The following TEKT3 variants were observed in gnomAD, a reference collection of about 807,000 sequenced individuals.
TEKT3 encodes tektin-3.
TEKT3 carries 49 observed loss-of-function variants against 49.8 expected under a neutral mutation model. The observed-to-expected ratio is 0.98, with a 90% CI of 0.78 to 1.25. The LOEUF is 1.25. Among genes scored for constraint, TEKT3 ranks in the 50% most tolerant of loss-of-function variants. The probability of loss-of-function intolerance (pLI) is 0.00; values close to 1 mark genes in which losing one functional copy is unlikely to be tolerated. For missense variants in TEKT3, 595 were observed against 629.5 expected (o/e 0.95, Z 0.59); for synonymous variants, 225 against 237.2 (o/e 0.95, Z 0.47).
chr17:15,308,015 C>T (rs995770642), intron 8 of TEKT3, among the ~76,000 whole-genome samples: 50 of 152,182 alleles, frequency 3.3e-4, no homozygotes, highest in African/African-American at 1.1e-3. Context: ...GGTCAGATTC[C>T]TCCTGCTGTG....
chr17:15,343,310 A>G (rs971368165), upstream of TEKT3, among the ~76,000 whole-genome samples: 12 of 152,114 alleles, frequency 7.9e-5, no homozygotes, highest in Middle Eastern at 3.2e-3. Context: ...AAATTGATCA[A>G]CTCTGTTCTC....
chr17:15,305,114 G>A (rs1486487271), intron 8 of TEKT3, among the ~76,000 whole-genome samples: 1 of 152,210 alleles, frequency 6.6e-6, no homozygotes, highest in Admixed American at 6.5e-5. Context: ...GGGAGGTAGA[G>A]AGTTGCCCAA....
Position 15,303,812 on chromosome 17 carries a change from T to C in TEKT3, c.*124A>G, listed in dbSNP as rs1567570573. The C allele has an allele frequency of 1.1e-6, 1 of 893,936 alleles. No homozygotes were observed. The highest frequency in any genetic ancestry group is 1.7e-6 in the Non-Finnish European group (1 of 576,930). 55.4% of individuals were successfully genotyped at this position (893,936 alleles called of 1,614,324 possible). On this transcript the variant is annotated 3_prime_UTR_variant, in exon 9 of 9. Transcript: ENST00000395930. ...ACAAAAGGCTTTCCGAGACAGGAGG[T>C]TGGTACATTTCCATCAGCATAATCC...
chr17:15,338,749 C>A lies in TEKT3; in HGVS notation c.-30+1279G>T, dbSNP rs540109309. ...GCTAGGATGGTCTCGATCTCCTGAA[C>A]TCGTGATCTGCCAGCCTCGGCCTCC... On this transcript the variant is annotated intron_variant, in intron 2 of 8. Coordinates refer to ENST00000395930, the MANE Select transcript of TEKT3 (RefSeq NM_031898.3). 2.1e-5 allele frequency among the ~76,000 whole-genome samples: 3 copies of A among 144,002 alleles called. No individual in the cohort carries two copies. The Admixed American group carries it at 2.1e-4, about 10-fold the overall frequency. The allele number at this position is 144,002 out of a possible 152,430, so 94.5% of individuals were successfully genotyped here.
At chr17:15,339,074 T>C (rs1345824311) in intron 2 of TEKT3, among the ~76,000 whole-genome samples, 1 of 152,176 alleles carries the variant, frequency 6.6e-6, no homozygotes, top group Non-Finnish European at 1.5e-5. Context: ...GAGGTGATTA[T>C]GTTATAAGGG....
chr17:15,327,871 A>C, intron 4 of TEKT3, 121 bp downstream of exon 4: 1 of 770,530 alleles, frequency 1.3e-6, no homozygotes, highest in East Asian at 2.6e-5. Flanking sequence ...TGCTATCAGC[A>C]TCTGATACGA....
At chr17:15,341,952 G>T (rs181675267), upstream of TEKT3, among the ~76,000 whole-genome samples, 43 of 152,228 alleles carry the variant, frequency 2.8e-4, no homozygotes, top group African/African-American at 9.9e-4. Flanking sequence ...GGCACATCAG[G>T]GCTGCCTGGA....
chr17:15,304,287 C>A lies in TEKT3; in HGVS notation c.1257-135G>T. ...TATATTTATCAGCAAATGAGAGGTGCATGAAATTAATAAAATATAAAGAAA... is the reference window on the plus strand; with the variant it reads ...TATATTTATCAGCAAATGAGAGGTGAATGAAATTAATAAAATATAAAGAAA... On this transcript the variant is annotated intron_variant, in intron 8 of 8. Transcript: ENST00000395930. This position sits in a 1 kb window ranked among gnomAD's most constrained non-coding sequence, Gnocchi z 4.7. 1.3e-6 allele frequency: 1 copy of A among 778,034 alleles called. No individual in the cohort carries two copies. Among genetic ancestry groups the A allele is most frequent in the Non-Finnish European group, 2.0e-6 (1 of 491,452 alleles). 48.2% of individuals were successfully genotyped at this position (778,034 alleles called of 1,614,324 possible). A position where few individuals can be genotyped will look rare whatever the true frequency, so the allele number is the denominator to read the frequency against.
rs139253588 is a variant in TEKT3 at position 15,312,272 on chromosome 17, G to A, written c.1088C>T (p.Thr363Met). ...ETADAKNKIQ[T>M]HLAKTLQEIF... Reference sequence around the variant, plus strand: ...CGGTTGATTTACCTTTGCTAAGTGCGTCTGAATCTTATTCTTAGCATCTGC... The same window carrying A: ...CGGTTGATTTACCTTTGCTAAGTGCATCTGAATCTTATTCTTAGCATCTGC... Residue 363 changes from threonine (T) to methionine (M), a missense_variant, in exon 7 of 9, where the codon ACG (threonine) becomes ATG (methionine). Transcript: ENST00000395930. 1,501 of 1,614,142 alleles carry A rather than the reference G, an allele frequency of 9.3e-4. 12 individuals carry two copies. The African/African-American group carries it at 0.018, about 19-fold the overall frequency.
chr17:15,342,058 T>C (rs2150758967), upstream of TEKT3, among the ~76,000 whole-genome samples: 1 of 152,306 alleles, frequency 6.6e-6, no homozygotes, highest in South Asian at 2.1e-4. Context: ...AATTATCTAG[T>C]GTTCCTTCCC....
At position 15,331,248 on chromosome 17, in the gene TEKT3, G is replaced by C. The variant is rs144818130; in HGVS notation, c.338C>G (p.Ser113Cys). The change falls in exon 3 of 9, where the codon TCC (serine) becomes TGC (cysteine). Residue 113 changes from serine to cysteine, a missense_variant. Ser to Cys is a moderately radical substitution (Grantham distance 112). Transcript: ENST00000395930. ...TCTTAGTTTCTCCGAATTATGTCGG[G>C]AAGTGTTGGACTCTTGATAGTTGGT... ...NLTNYQESNTSRHNSEKLRVD... is the reference protein window; with the variant it reads ...NLTNYQESNTCRHNSEKLRVD... The C allele has an allele frequency of 6.2e-7, 1 of 1,614,090 alleles. No homozygotes were observed. Among genetic ancestry groups the C allele is most frequent in the African/African-American group, 1.3e-5 (1 of 74,914 alleles).
chr17:15,305,851 G>A (rs1910522088), intron 8 of TEKT3, among the ~76,000 whole-genome samples: 1 of 151,344 alleles, frequency 6.6e-6, no homozygotes, highest in African/African-American at 2.4e-5. Flanking sequence ...TCACACTGCT[G>A]CATGGACACA....
At chr17:15,327,195 A>G (rs984573664) in intron 4 of TEKT3, among the ~76,000 whole-genome samples, 10 of 152,016 alleles carry the variant, frequency 6.6e-5, no homozygotes, top group African/African-American at 2.4e-4. Flanking sequence ...ATTGTAGAAC[A>G]CTGCCTAACC....
At chr17:15,334,228 A>ATTTC (rs1383352070) in intron 2 of TEKT3, among the ~76,000 whole-genome samples, 1 of 151,932 alleles carries the variant, frequency 6.6e-6, no homozygotes, top group Non-Finnish European at 1.5e-5. Context: ...TTATTTATTT[A>ATTTC]TTTTAGTAGA....
rs771598388 is a variant in TEKT3 at position 15,304,043 on chromosome 17, C to T, written c.1366G>A (p.Glu456Lys). Residue 456 changes from glutamate to lysine, a missense_variant, in exon 9 of 9, where the codon GAG becomes AAG. Glu to Lys is a moderately conservative substitution (Grantham distance 56). Transcript: ENST00000395930. The surrounding 1 kb of genome is among the most constrained non-coding windows in gnomAD (Gnocchi z 4.7). ...TTGGCTTTGACAGCCAGGTCATACT[C>T]GAGTGTGGCTTTGATGTGGACCAGC... ...QSLVHIKATL[E>K]YDLAVKANSL... 1.2e-6 allele frequency: 2 copies of T among 1,614,114 alleles called. No homozygotes were observed. Among genetic ancestry groups the T allele is most frequent in the Middle Eastern group, 1.6e-4 (1 of 6,062 alleles).
chr17:15,333,606 G>A (rs1036123209), intron 2 of TEKT3, among the ~76,000 whole-genome samples: 13 of 152,058 alleles, frequency 8.5e-5, no homozygotes. Flanking sequence ...TGAGGCATTA[G>A]GGTCCTTAAA....
rs116633325 is a variant in TEKT3 at position 15,336,236 on chromosome 17, A to T, written c.-30+3792T>A. Among the ~76,000 whole-genome samples, 921 of 152,246 alleles carry T rather than the reference A, an allele frequency of 6.0e-3. 10 individuals are homozygous for T. The highest frequency in any genetic ancestry group is 0.021 in the African/African-American group (875 of 41,546). The stretch of plus-strand genomic sequence containing the variant: ...TTTGAAAATCAGACAGGAAGGACAT[A>T]TTTGGAAAAAAAGAACGAAGATAAG... On this transcript the variant is annotated intron_variant, in intron 2 of 8. Coordinates refer to ENST00000395930, the MANE Select transcript of TEKT3 (RefSeq NM_031898.3).
upstream of TEKT3, among the ~76,000 whole-genome samples, chr17:15,342,015 C>G (rs957823793): frequency 6.6e-6 from 1 of 152,188 alleles, no homozygotes; most frequent in East Asian, 1.9e-4. Context: ...TGACCAGCCT[C>G]TCTTCTCTCC....
At chr17:15,305,078 G>T (rs1490192301) in intron 8 of TEKT3, among the ~76,000 whole-genome samples, 1 of 152,186 alleles carries the variant, frequency 6.6e-6, no homozygotes, top group Non-Finnish European at 1.5e-5. Flanking sequence ...CAACTTTCAT[G>T]CCCTAGGTGA....
Sources: allele counts gnomAD v4.1 joint callset (sites outside exome capture counted in the v4.1 genomes callset), GRCh38; gene constraint gnomAD v4.1.1; non-coding constraint Gnocchi (gnomAD v3.1); transcripts MANE v1.5; gene names NCBI Gene and HGNC (gene_info 2026-07-23, HGNC 2026-07-21).